Variants in EYS observed in about 807,000 individuals in gnomAD.
EYS encodes protein eyes shut homolog.
EYS carries 250 observed loss-of-function variants against 282.1 expected under a neutral mutation model. That is an observed-to-expected ratio of 0.89 (90% CI 0.80 to 0.98). The LOEUF (loss-of-function observed/expected upper bound fraction) is 0.98. EYS is among the 50% of genes least tolerant of loss of function. The pLI is 0.00. For synonymous variants in EYS, 1,355 were observed against 1,282.9 expected (o/e 1.06, Z -1.20); for missense variants, 4,016 against 3,709.0 (o/e 1.08, Z -2.15).
intron 35 of EYS, among the ~76,000 whole-genome samples, chr6:63,921,125 T>C (rs1189265937): frequency 6.6e-6 from 1 of 152,174 alleles, no homozygotes; most frequent in African/African-American, 2.4e-5. Context: ...CTCACTCTCT[T>C]GACCTCGTGA....
At chr6:64,016,526 G>A (rs999621189) in intron 33 of EYS, among the ~76,000 whole-genome samples, 3 of 144,522 alleles carry the variant, frequency 2.1e-5, no homozygotes, top group East Asian at 2.0e-4. Context: ...GTCTTGCTCC[G>A]TCACCCAGGC....
intron 12 of EYS, among the ~76,000 whole-genome samples, chr6:65,285,222 A>G (rs575082114): frequency 6.6e-6 from 1 of 151,996 alleles, no homozygotes; most frequent in African/African-American, 2.4e-5. Context: ...TTGTGGCCTA[A>G]TTATGTGAAA....
intron 2 of EYS, among the ~76,000 whole-genome samples, chr6:65,542,473 A>ATGTGTGTGTG (rs35318949): frequency 4.1e-5 from 6 of 146,450 alleles, no homozygotes; most frequent in African/African-American, 1.5e-4. Flanking sequence ...TAACAATAGA[A>ATGTGTGTGTG]TGTGTGTGTG....
At chr6:64,374,953 A>T (rs1772517524) in intron 29 of EYS, among the ~76,000 whole-genome samples, 1 of 152,202 alleles carries the variant, frequency 6.6e-6, no homozygotes, top group South Asian at 2.1e-4. Flanking sequence ...AAAAGATTCC[A>T]AGTGGAGCAA....
chr6:65,123,644 A>G (rs1775630074), intron 12 of EYS, among the ~76,000 whole-genome samples: 1 of 152,052 alleles, frequency 6.6e-6, no homozygotes, highest in Non-Finnish European at 1.5e-5. Flanking sequence ...TATGTTTATT[A>G]CTTAATGTTA....
intron 5 of EYS, among the ~76,000 whole-genome samples, chr6:65,440,666 T>G (rs1423637528): frequency 6.7e-6 from 1 of 150,168 alleles, no homozygotes; most frequent in African/African-American, 2.5e-5. Flanking sequence ...GTAAAGCTAA[T>G]TTTTTTTGTA....
intron 32 of EYS, among the ~76,000 whole-genome samples, chr6:64,076,345 A>G (rs1771770535): frequency 6.6e-6 from 1 of 152,014 alleles, no homozygotes; most frequent in Admixed American, 6.6e-5. Context: ...TACCTATGCT[A>G]TGCAAGGCAC....
intron 26 of EYS, among the ~76,000 whole-genome samples, chr6:64,443,946 T>C (rs1775037003): frequency 6.6e-6 from 1 of 152,206 alleles, no homozygotes; most frequent in South Asian, 2.1e-4. Context: ...ATTTTTCTTT[T>C]TGACTTTCTG....
intron 35 of EYS, among the ~76,000 whole-genome samples, chr6:63,977,034 A>G (rs1296355260): frequency 1.3e-5 from 2 of 151,774 alleles, no homozygotes; most frequent in Non-Finnish European, 2.9e-5. Context: ...AGGAGACCAG[A>G]GTTTTATTAT....
chr6:64,340,571 CA>C, intron 29 of EYS, among the ~76,000 whole-genome samples: 1 of 151,724 alleles, frequency 6.6e-6, no homozygotes, highest in Non-Finnish European at 1.5e-5. Flanking sequence ...ACAATTAAGT[CA>C]AAATGGATTA....
At chr6:63,880,485 C>CTATCTATCTATCTA (rs756807407) in intron 35 of EYS, among the ~76,000 whole-genome samples, 193 of 105,710 alleles carry the variant, frequency 1.8e-3, no homozygotes, top group Middle Eastern at 4.8e-3. Context: ...GTCTGTCTGT[C>CTATCTATCTATCTA]TGTATCTATC....
At position 65,523,058 on chromosome 6, in the gene EYS, T is replaced by G. The variant is rs114208656; in HGVS notation, c.-332-27065A>C. Among the ~76,000 whole-genome samples, 738 of 152,282 alleles carry G rather than the reference T, an allele frequency of 4.8e-3. 2 individuals are homozygous for G. The highest frequency in any genetic ancestry group is 0.016 in the African/African-American group (671 of 41,558). ...CATGTAAATAGAACCTTCAAATACA[T>G]AGATTAACAATTAAAAAAACACTTG... On this transcript the variant is annotated intron_variant, in intron 2 of 42. Transcript: ENST00000503581.
chr6:64,700,133 C>G (rs1770727947), intron 22 of EYS, among the ~76,000 whole-genome samples: 3 of 151,744 alleles, frequency 2.0e-5, no homozygotes, highest in Admixed American at 2.0e-4. Flanking sequence ...AATTTAAAAC[C>G]ATATAATCAT....
intron 35 of EYS, among the ~76,000 whole-genome samples, chr6:63,928,342 C>T (rs768429032): frequency 9.9e-5 from 15 of 152,004 alleles, no homozygotes; most frequent in Non-Finnish European, 2.2e-4. Flanking sequence ...TTCTCATTGC[C>T]TAGGATTACA....
At chr6:64,575,893 G>A (rs1448240641) in intron 26 of EYS, among the ~76,000 whole-genome samples, 1 of 152,038 alleles carries the variant, frequency 6.6e-6, no homozygotes, top group Non-Finnish European at 1.5e-5. Context: ...CACTGTGACA[G>A]CAATTTATAT....
chr6:64,228,187 C>T (rs552793892), intron 31 of EYS, among the ~76,000 whole-genome samples: 419 of 152,214 alleles, frequency 2.8e-3, no homozygotes, highest in Non-Finnish European at 4.4e-3. Flanking sequence ...AAAACACAAT[C>T]CTGCCCTTGG....
intron 1 of EYS, among the ~76,000 whole-genome samples, chr6:65,706,342 G>A (rs930993104): frequency 6.6e-6 from 1 of 151,728 alleles, no homozygotes; most frequent in African/African-American, 2.4e-5. Context: ...CAACATACCT[G>A]ATTTCTGAAA....
intron 33 of EYS, among the ~76,000 whole-genome samples, chr6:64,006,729 C>G (rs1768365306): frequency 6.6e-6 from 1 of 152,030 alleles, no homozygotes; most frequent in African/African-American, 2.4e-5. Flanking sequence ...TTATCGAAAG[C>G]CTTTTCTGCA....
chr6:64,176,297 T>G (rs1764632153), intron 31 of EYS, among the ~76,000 whole-genome samples: 1 of 152,024 alleles, frequency 6.6e-6, no homozygotes, highest in Admixed American at 6.6e-5. Context: ...ACAAATTATA[T>G]ATATTGGATT....
Sources: allele counts gnomAD v4.1 joint callset (sites outside exome capture counted in the v4.1 genomes callset), GRCh38; gene constraint gnomAD v4.1.1; transcripts MANE v1.5; gene names NCBI Gene and HGNC (gene_info 2026-07-23, HGNC 2026-07-21).